LARS2: variants seen among roughly 807,000 people sequenced by gnomAD.
LARS2 encodes the protein leucine--tRNA ligase, mitochondrial.
LARS2 carries 81 observed loss-of-function variants against 116.6 expected under a neutral mutation model. The ratio of observed to expected loss-of-function variants is 0.69; its 90% CI spans 0.58 to 0.84. The LOEUF (loss-of-function observed/expected upper bound fraction) is 0.84, where lower values mean the gene tolerates loss of function less well. Ranked by LOEUF, LARS2 falls within the 40% of genes least tolerant of loss-of-function variation. LARS2 has a pLI of 0.00. For missense variants in LARS2, 968 were observed against 1,114.5 expected (o/e 0.87, Z 1.87); for synonymous variants, 396 against 407.2 (o/e 0.97, Z 0.33).
chr3:45,443,382 T>C (rs1041329354), intron 6 of LARS2, among the ~76,000 whole-genome samples: 5 of 152,240 alleles, frequency 3.3e-5, no homozygotes, highest in Non-Finnish European at 5.9e-5. Context: ...TGTTTTGCTT[T>C]GTTTTAATGA....
intron 15 of LARS2, among the ~76,000 whole-genome samples, chr3:45,503,700 C>CTGTT (rs1463811207): frequency 6.7e-6 from 1 of 149,918 alleles, no homozygotes. Context: ...TGTTGTTTTT[C>CTGTT]TGTTTGTTTG....
chr3:45,515,607 C>G (rs1381290789), intron 16 of LARS2, among the ~76,000 whole-genome samples: 1 of 152,192 alleles, frequency 6.6e-6, no homozygotes, highest in Non-Finnish European at 1.5e-5. Context: ...AAGGGACCAA[C>G]ACATTTACCA....
chr3:45,459,665 T>C (rs1354040732), intron 8 of LARS2, among the ~76,000 whole-genome samples: 1 of 152,196 alleles, frequency 6.6e-6, no homozygotes, highest in African/African-American at 2.4e-5. Flanking sequence ...AACCACTCTG[T>C]GCAATTTGCC....
chr3:45,517,600 G>A (rs1700388054), intron 17 of LARS2, among the ~76,000 whole-genome samples: 1 of 152,176 alleles, frequency 6.6e-6, no homozygotes, highest in African/African-American at 2.4e-5. Flanking sequence ...TCAAGGCGGC[G>A]GGGCACCAGG....
At position 45,471,287 on chromosome 3, in the gene LARS2, G is replaced by A. The variant is rs548887849; in HGVS notation, c.751-2956G>A. Among the ~76,000 whole-genome samples, 135 of 152,240 alleles carry A rather than the reference G, an allele frequency of 8.9e-4. 2 individuals carry two copies. The highest frequency in any genetic ancestry group is 6.8e-3 in the Middle Eastern group (2 of 294). On this transcript the variant is annotated intron_variant, in intron 8 of 21. Coordinates refer to ENST00000645846, the MANE Select transcript of LARS2 (RefSeq NM_015340.4). ...ATGTGTTTATTATACAGTGGGGACC[G>A]AAAAGAGCTTGCAGAGTTGTTCGAG... is the stretch of plus-strand genomic sequence containing the variant.
chr3:45,501,296 A>G (rs1179642473), intron 15 of LARS2, among the ~76,000 whole-genome samples: 2 of 150,724 alleles, frequency 1.3e-5, no homozygotes, highest in East Asian at 3.9e-4. Context: ...GCCCCTAGCT[A>G]ATACCGATCC....
chr3:45,455,508 G>A (rs1341406724), intron 7 of LARS2, among the ~76,000 whole-genome samples: 1 of 152,034 alleles, frequency 6.6e-6, no homozygotes, highest in Non-Finnish European at 1.5e-5. Flanking sequence ...GTTATTTTAA[G>A]TGGAACCCTT....
chr3:45,471,146 A>C (rs908876013), intron 8 of LARS2, among the ~76,000 whole-genome samples: 3 of 151,810 alleles, frequency 2.0e-5, no homozygotes, highest in Non-Finnish European at 2.9e-5. Context: ...AACTACTCAC[A>C]TCTTATTCTG....
Position 45,434,200 on chromosome 3 carries a change from G to C in LARS2, c.517-12691G>C, listed in dbSNP as rs548329734. On this transcript the variant is annotated intron_variant, in intron 6 of 21. Coordinates refer to ENST00000645846, the MANE Select transcript of LARS2 (RefSeq NM_015340.4). ...CTCTATTCTTTTTACCCTTGCCTTA[G>C]GAGACTCTGATGACATGCATGTCAG... is the stretch of plus-strand genomic sequence containing the variant. Among the ~76,000 whole-genome samples the C allele has an allele frequency of 3.9e-5, 6 of 152,218 alleles. 1 individual carries two copies. The South Asian group carries it at 1.2e-3, about 32-fold the overall frequency.
At chr3:45,453,959 G>A (rs921224864) in intron 7 of LARS2, among the ~76,000 whole-genome samples, 1 of 152,100 alleles carries the variant, frequency 6.6e-6, no homozygotes, top group African/African-American at 2.4e-5. Context: ...TGCTGGCCAA[G>A]AGACAAAAGC....
chr3:45,431,955 A>C (rs1161174848), intron 6 of LARS2, among the ~76,000 whole-genome samples: 1 of 152,182 alleles, frequency 6.6e-6, no homozygotes, highest in African/African-American at 2.4e-5. Flanking sequence ...AATAAGCTGA[A>C]AGTGAAAGGC....
chr3:45,399,662 T>A (rs557062803), intron 3 of LARS2, among the ~76,000 whole-genome samples: 2 of 152,236 alleles, frequency 1.3e-5, no homozygotes, highest in Admixed American at 1.3e-4. Flanking sequence ...TCCATAGGTT[T>A]TTGGGGTACA....
rs917037643 is a variant in LARS2, at chr3:45,487,774, A to G, written c.1124-923A>G. On this transcript the variant is annotated intron_variant, in intron 11 of 21. Coordinates refer to ENST00000645846, the MANE Select transcript of LARS2 (RefSeq NM_015340.4). Reference sequence around the variant, plus strand: ...CTTACAAAACCAAAGAGCTGGGGGGAAAAGAAAAAAAAACCCATTCTTATG... The same window carrying G: ...CTTACAAAACCAAAGAGCTGGGGGGGAAAGAAAAAAAAACCCATTCTTATG... Among the ~76,000 whole-genome samples the G allele has an allele frequency of 1.3e-4, 6 of 46,482 alleles. No homozygotes were observed. In the Admixed American group the frequency reaches 2.2e-3, roughly 17 times the overall value. 30.5% of individuals were successfully genotyped at this position (46,482 alleles called of 152,430 possible). A position where few individuals can be genotyped will look rare whatever the true frequency, so the allele number is the denominator to read the frequency against.
chr3:45,396,875 T>G (rs1698055655), intron 3 of LARS2, among the ~76,000 whole-genome samples: 1 of 152,244 alleles, frequency 6.6e-6, no homozygotes, highest in African/African-American at 2.4e-5. Context: ...AGAAACCTTC[T>G]TTTGTCTCAC....
intron 9 of LARS2, among the ~76,000 whole-genome samples, chr3:45,476,246 TG>T (rs1202241421): frequency 6.6e-6 from 1 of 152,196 alleles, no homozygotes; most frequent in Non-Finnish European, 1.5e-5. Context: ...CCTGCATGCC[TG>T]GTGTGGGGCA....
intron 3 of LARS2, among the ~76,000 whole-genome samples, chr3:45,398,955 A>T (rs1475842917): frequency 1.3e-5 from 2 of 152,168 alleles, no homozygotes; most frequent in African/African-American, 2.4e-5. Context: ...TCATGACGAC[A>T]TTCATCATTT....
intron 20 of LARS2, among the ~76,000 whole-genome samples, chr3:45,532,058 T>C (rs1700623898): frequency 6.6e-6 from 1 of 152,262 alleles, no homozygotes; most frequent in African/African-American, 2.4e-5. Flanking sequence ...CAAATAAGGA[T>C]GTTTTCTTCT....
chr3:45,510,519 A>C (rs1050700851), intron 15 of LARS2, among the ~76,000 whole-genome samples: 4 of 149,742 alleles, frequency 2.7e-5, no homozygotes, highest in Non-Finnish European at 4.5e-5. Context: ...CAGGCACTAC[A>C]CAGGATGCAT....
intron 13 of LARS2, among the ~76,000 whole-genome samples, chr3:45,493,347 C>A (rs924903366): frequency 8.5e-5 from 13 of 152,198 alleles, no homozygotes; most frequent in African/African-American, 3.1e-4. Context: ...GTTCTGCCCG[C>A]CTAGGCCTCC....
Sources: allele counts gnomAD v4.1 joint callset (sites outside exome capture counted in the v4.1 genomes callset), GRCh38; gene constraint gnomAD v4.1.1; transcripts MANE v1.5; gene names NCBI Gene and HGNC (gene_info 2026-07-23, HGNC 2026-07-21).